Variants in TAFA5 observed in about 807,000 individuals in gnomAD.
TAFA5 encodes the protein TAFA chemokine like family member 5.
Under a neutral mutation model 15.3 loss-of-function variants are expected in TAFA5, and 6 were observed. That is an observed-to-expected ratio of 0.39 (90% CI 0.21 to 0.77). TAFA5 has a LOEUF of 0.77. TAFA5 is among the 30% of genes least tolerant of loss of function. The pLI is 0.41. For missense variants in TAFA5, 161 were observed against 193.1 expected, an observed-to-expected ratio of 0.83 and a Z score of 0.98; for synonymous variants, 103 against 80.7, an observed-to-expected ratio of 1.28 and a Z score of -1.48.
At chr22:48,507,461 C>T (rs558256158) in intron 1 of TAFA5, among the ~76,000 whole-genome samples, 26 of 152,320 alleles carry the variant, frequency 1.7e-4, no homozygotes, top group South Asian at 6.2e-4. Flanking sequence ...AATCGCCAGA[C>T]GTGGTGGCGT....
intron 1 of TAFA5, among the ~76,000 whole-genome samples, chr22:48,516,869 G>A (rs753369923): frequency 9.2e-5 from 14 of 152,236 alleles, no homozygotes; most frequent in Non-Finnish European, 1.8e-4. Flanking sequence ...GGGCTGTGGG[G>A]ATGTGCACGA....
At chr22:48,554,605 A>G (rs1214462374) in intron 1 of TAFA5, among the ~76,000 whole-genome samples, 1 of 152,240 alleles carries the variant, frequency 6.6e-6, no homozygotes, top group Non-Finnish European at 1.5e-5. Context: ...CGGAGGTCAC[A>G]GCAGCTTCAT....
At chr22:48,653,054 C>G (rs1927110766) in intron 2 of TAFA5, among the ~76,000 whole-genome samples, 1 of 152,214 alleles carries the variant, frequency 6.6e-6, no homozygotes, top group Non-Finnish European at 1.5e-5. Flanking sequence ...ATCACGCGAC[C>G]GTGGTGGGGC....
intron 1 of TAFA5, among the ~76,000 whole-genome samples, chr22:48,592,710 C>A (rs1158193190): frequency 7.0e-6 from 1 of 143,410 alleles, no homozygotes; most frequent in Admixed American, 6.9e-5. Context: ...AAGGTTGGTT[C>A]TTGCCTGCCC....
chr22:48,539,896 G>T (rs12484860), intron 1 of TAFA5, among the ~76,000 whole-genome samples: 7,559 of 149,536 alleles, frequency 0.051, 434 homozygotes, highest in East Asian at 0.24. Context: ...AAGGGGGCAG[G>T]GGTACAGGCA....
intron 3 of TAFA5, among the ~76,000 whole-genome samples, chr22:48,723,468 A>G (rs1929628868): frequency 1.3e-5 from 2 of 151,932 alleles, no homozygotes; most frequent in Non-Finnish European, 2.9e-5. Flanking sequence ...GTCCCTTCGC[A>G]TATCACCTCT....
At chr22:48,526,817 GT>G (rs1569168079) in intron 1 of TAFA5, among the ~76,000 whole-genome samples, 1 of 152,218 alleles carries the variant, frequency 6.6e-6, no homozygotes, top group Non-Finnish European at 1.5e-5. Flanking sequence ...GTCAAAATAT[GT>G]TGTTCTAAAT....
In TAFA5 at chr22:48,665,477, C is replaced by T. The variant is rs187118283; in HGVS notation, c.262+18731C>T. Among the ~76,000 whole-genome samples the T allele has an allele frequency of 5.9e-5, 9 of 152,304 alleles. No homozygotes were observed. The East Asian group carries it at 7.7e-4, about 13-fold the overall frequency. On this transcript the variant is annotated intron_variant, in intron 2 of 3. Coordinates refer to ENST00000402357, the MANE Select transcript of TAFA5 (RefSeq NM_001082967.3). ...GTCATCTTACCCCAAAGCCGTGAGA[C>T]GTTCTCTCGCGTTCTTGTCCCAGCT...
chr22:48,734,207 G>A (rs2147268854), intron 3 of TAFA5, among the ~76,000 whole-genome samples: 1 of 152,280 alleles, frequency 6.6e-6, no homozygotes, highest in South Asian at 2.1e-4. Flanking sequence ...AGAAATGGTT[G>A]GCACCTGTGT....
chr22:48,725,855 C>T (rs191735208), intron 3 of TAFA5, among the ~76,000 whole-genome samples: 1 of 152,080 alleles, frequency 6.6e-6, no homozygotes, highest in Non-Finnish European at 1.5e-5. Context: ...ATGGCTCCAG[C>T]AGAAGGAAGA....
intron 1 of TAFA5, among the ~76,000 whole-genome samples, chr22:48,583,798 CACACA>C (rs1206117993): frequency 6.6e-6 from 1 of 151,054 alleles, no homozygotes. Context: ...TACCACACAG[CACACA>C]ACACACCACA....
rs1922815071 is a variant in TAFA5 at position 48,550,361 on chromosome 22, C to T, written c.112+60657C>T. ...CCATGAGAGGGCAAGGGCTTCCAGG[C>T]TGGCACATGGGCCTCTCATGCACCT... On this transcript the variant is annotated intron_variant, in intron 1 of 3. Transcript: ENST00000402357. The surrounding 1 kb of genome is among the most constrained non-coding windows in gnomAD (Gnocchi z 4.1). Among the ~76,000 whole-genome samples, 1 of 152,224 alleles carries T rather than the reference C, an allele frequency of 6.6e-6. No individual in the cohort carries two copies. The highest frequency in any genetic ancestry group is 2.4e-5 in the African/African-American group (1 of 41,452).
chr22:48,581,499 G>C (rs1218063529), intron 1 of TAFA5, among the ~76,000 whole-genome samples: 1 of 152,162 alleles, frequency 6.6e-6, no homozygotes. Flanking sequence ...CGGTGGTCTG[G>C]AGGTGGGTGG....
At chr22:48,498,490 T>C (rs1920937224) in intron 1 of TAFA5, among the ~76,000 whole-genome samples, 1 of 152,088 alleles carries the variant, frequency 6.6e-6, no homozygotes, top group Admixed American at 6.5e-5. Context: ...TTAGTAGGAC[T>C]TTTCTCGTTG....
intron 1 of TAFA5, among the ~76,000 whole-genome samples, chr22:48,554,303 A>G (rs958512395): frequency 2.0e-5 from 3 of 152,182 alleles, no homozygotes; most frequent in Non-Finnish European, 2.9e-5. Context: ...ATAGGAAGGA[A>G]ATTATCATAA....
At chr22:48,624,113 A>G (rs937550952) in intron 1 of TAFA5, among the ~76,000 whole-genome samples, 1 of 152,154 alleles carries the variant, frequency 6.6e-6, no homozygotes, top group Non-Finnish European at 1.5e-5. Flanking sequence ...CGTGTTGTTG[A>G]TGACCCTGAC....
intron 1 of TAFA5, among the ~76,000 whole-genome samples, chr22:48,518,333 A>C (rs943562784): frequency 2.0e-5 from 3 of 152,190 alleles, no homozygotes; most frequent in Admixed American, 1.3e-4. Context: ...TGCCCCCCAG[A>C]ATCCACATTC....
chr22:48,711,396 C>G (rs1394676032), intron 3 of TAFA5, among the ~76,000 whole-genome samples: 1 of 150,708 alleles, frequency 6.6e-6, no homozygotes, highest in Non-Finnish European at 1.5e-5. Flanking sequence ...ACCGTGTGCT[C>G]ACTCCAGGGG....
At chr22:48,735,813 T>C (rs62225049) in intron 3 of TAFA5, among the ~76,000 whole-genome samples, 31 of 36,618 alleles carry the variant, frequency 8.5e-4, no homozygotes, top group Non-Finnish European at 1.3e-3. Flanking sequence ...ATCACACTCC[T>C]AGAGTCCAGA....
Sources: allele counts gnomAD v4.1 joint callset (sites outside exome capture counted in the v4.1 genomes callset), GRCh38; gene constraint gnomAD v4.1.1; non-coding constraint Gnocchi (gnomAD v3.1); transcripts MANE v1.5; gene names NCBI Gene and HGNC (gene_info 2026-07-23, HGNC 2026-07-21).